Variants in MRC1 observed in about 807,000 individuals in gnomAD.
The protein encoded by MRC1 is macrophage mannose receptor 1.
In MRC1, 62 loss-of-function variants were observed where a neutral mutation model predicts 102.9. That is an observed-to-expected ratio of 0.60 (90% CI 0.49 to 0.74). MRC1 has a LOEUF of 0.74. Ranked by LOEUF, MRC1 falls within the 30% of genes least tolerant of loss-of-function variation. The pLI is 0.00. For missense variants in MRC1, 1,237 were observed against 862.8 expected (o/e 1.43, Z -5.43); for synonymous variants, 457 against 298.4 (o/e 1.53, Z -5.48).
chr10:17,881,193 A>G lies in MRC1; in HGVS notation c.2980+12A>G. ...TGAAAAAGAGCAAGGTAGGCAGGCC[A>G]TTTTGCAATTAGTTGTGTGTTTAAA... is the stretch of plus-strand genomic sequence containing the variant. On this transcript the variant is annotated intron_variant, in intron 21 of 29. Coordinates refer to ENST00000569591, the MANE Select transcript of MRC1 (RefSeq NM_002438.4). 5.1e-6 allele frequency: 4 copies of G among 779,510 alleles called. No homozygotes were observed. Among genetic ancestry groups the G allele is most frequent in the South Asian group, 4.1e-5 (3 of 73,956 alleles). The allele number at this position is 779,510 out of a possible 1,614,324, so 48.3% of individuals were successfully genotyped here.
At chr10:17,819,453 ATGTGTGTGTGTGTG>A (rs59778334) in intron 1 of MRC1, among the ~76,000 whole-genome samples, 12 of 145,702 alleles carry the variant, frequency 8.2e-5, no homozygotes, top group East Asian at 2.0e-4. Context: ...TCAGAGTTGT[ATGTGTGTGTGTGTG>A]TGTGTGTGTG....
intron 8 of MRC1, among the ~76,000 whole-genome samples, chr10:17,855,440 A>G (rs1168942362): frequency 3.3e-5 from 5 of 151,862 alleles, no homozygotes; most frequent in Admixed American, 1.3e-4. Flanking sequence ...GCGTGGTGGC[A>G]GGCGCCTGTA....
intron 4 of MRC1, among the ~76,000 whole-genome samples, chr10:17,839,510 G>T (rs1589171671): frequency 7.4e-6 from 1 of 135,444 alleles, no homozygotes; most frequent in South Asian, 2.3e-4. Context: ...TTCTTTTAAA[G>T]AATTTTTTTG....
intron 7 of MRC1, among the ~76,000 whole-genome samples, chr10:17,851,320 A>C (rs1220643989): frequency 6.6e-6 from 1 of 152,136 alleles, no homozygotes; most frequent in African/African-American, 2.4e-5. Flanking sequence ...ACAATAAAAT[A>C]ATATTAATAA....
chr10:17,906,134 C>G (rs1833891598), intron 26 of MRC1, among the ~76,000 whole-genome samples: 2 of 151,954 alleles, frequency 1.3e-5, no homozygotes, highest in Non-Finnish European at 2.9e-5. Flanking sequence ...TAATATAGGA[C>G]CATTCTTAGG....
intron 16 of MRC1, among the ~76,000 whole-genome samples, chr10:17,874,189 A>G (rs938900610): frequency 6.6e-6 from 1 of 152,158 alleles, no homozygotes; most frequent in Admixed American, 6.6e-5. Flanking sequence ...TCTGGAATCA[A>G]TTTCACTGGG....
intron 11 of MRC1, among the ~76,000 whole-genome samples, chr10:17,864,600 G>A (rs1216555901): frequency 1.3e-5 from 2 of 151,884 alleles, no homozygotes; most frequent in Admixed American, 6.6e-5. Context: ...AGGCAGAGGC[G>A]GGCAGATCAC....
In MRC1 at chr10:17,880,514, C is replaced by G; in HGVS notation, c.2720-11C>G. 2 of 780,764 alleles carry G rather than the reference C, an allele frequency of 2.6e-6. No individual in the cohort carries two copies. The highest frequency in any genetic ancestry group is 4.8e-6 in the Non-Finnish European group (2 of 417,928). 48.4% of individuals were successfully genotyped at this position (780,764 alleles called of 1,614,324 possible). On this transcript the variant is annotated splice_polypyrimidine_tract_variant and intron_variant, in intron 19 of 29. Transcript: ENST00000569591. Reference sequence around the variant, plus strand: ...ATATGAATCTAATTTAACTATTTCTCTCTTTGCCAGGGTTTTGGAATGACA... The same window carrying G: ...ATATGAATCTAATTTAACTATTTCTGTCTTTGCCAGGGTTTTGGAATGACA...
At chr10:17,901,064 T>C (rs1833822878) in intron 25 of MRC1, 111 bp downstream of exon 25, 1 of 696,530 alleles carries the variant, frequency 1.4e-6, no homozygotes. Flanking sequence ...CTAAGAATAA[T>C]ATAGAACATA....
intron 7 of MRC1, among the ~76,000 whole-genome samples, 189 bp downstream of exon 7, chr10:17,849,953 G>T (rs1168187059): frequency 6.6e-6 from 1 of 152,174 alleles, no homozygotes; most frequent in Non-Finnish European, 1.5e-5. Context: ...ATAATTGAAA[G>T]AATTCTTATC....
At chr10:17,848,591 A>G (rs1173713657) in intron 6 of MRC1, among the ~76,000 whole-genome samples, 3 of 152,146 alleles carry the variant, frequency 2.0e-5, no homozygotes, top group Non-Finnish European at 4.4e-5. Flanking sequence ...TGTGATTTAC[A>G]AGCACACTCT....
chr10:17,889,680 C>G (rs981358963), intron 22 of MRC1, among the ~76,000 whole-genome samples: 4 of 152,218 alleles, frequency 2.6e-5, no homozygotes, highest in African/African-American at 9.6e-5. Context: ...TCTCCTATTT[C>G]TTCCTCCTTT....
chr10:17,893,925 A>G (rs1355584824), intron 22 of MRC1, among the ~76,000 whole-genome samples: 1 of 152,194 alleles, frequency 6.6e-6, no homozygotes, highest in Non-Finnish European at 1.5e-5. Flanking sequence ...AAGTTTTTAT[A>G]GTGTTGGATA....
chr10:17,885,210 T>G (rs1833575088), intron 21 of MRC1, 59 bp from the exon 22 acceptor site: 13 of 778,416 alleles, frequency 1.7e-5, no homozygotes, highest in Non-Finnish European at 2.9e-5. Context: ...TTGAATATTT[T>G]CCATATTTTG....
rs966767193 is a variant in MRC1 at position 17,907,651 on chromosome 10, A to G, written c.4031A>G (p.Asn1344Ser). The change falls in exon 28 of 30, where the codon AAT (asparagine) becomes AGT (serine). Residue 1344 changes from asparagine (N) to serine (S), a missense_variant. Transcript: ENST00000569591. ...ALHASSGFWSNIHCSSYKGYI... is the reference protein window; with the variant it reads ...ALHASSGFWSSIHCSSYKGYI... Reference sequence around the variant, plus strand: ...CATGCGTCTTCTGGGTTTTGGAGTAATATTCACTGTTCATCCTACAAAGGA... The same window carrying G: ...CATGCGTCTTCTGGGTTTTGGAGTAGTATTCACTGTTCATCCTACAAAGGA... 1.2e-5 allele frequency: 9 copies of G among 780,874 alleles called. No individual in the cohort carries two copies. The Admixed American group carries it at 1.5e-4, about 13-fold the overall frequency. The allele number at this position is 780,874 out of a possible 1,614,324, so 48.4% of individuals were successfully genotyped here. A position where few individuals can be genotyped will look rare whatever the true frequency, so the allele number is the denominator to read the frequency against.
intron 22 of MRC1, among the ~76,000 whole-genome samples, chr10:17,892,629 T>C (rs1444963733): frequency 1.3e-5 from 2 of 152,222 alleles, no homozygotes; most frequent in Non-Finnish European, 2.9e-5. Flanking sequence ...TTTCTTTAAG[T>C]GTGCTCCTTT....
rs957144001 is a variant in MRC1, at chr10:17,899,334, T to G, written c.3483+1068T>G. Among the ~76,000 whole-genome samples the G allele has an allele frequency of 1.7e-3, 265 of 152,356 alleles. 1 individual carries two copies. The highest frequency in any genetic ancestry group is 6.0e-3 in the African/African-American group (250 of 41,598). On this transcript the variant is annotated intron_variant, in intron 24 of 29. Transcript: ENST00000569591. ...AAGTTTTTATAATTAAGTCATTTGA[T>G]AAGTCATTTGTTTTCTTCTCACAGA...
At chr10:17,827,372 CAAAAAAAAAAAA>C (rs782616938) in intron 2 of MRC1, among the ~76,000 whole-genome samples, 158 bp from the exon 3 acceptor site, 1,118 of 63,918 alleles carry the variant, frequency 0.017, 23 homozygotes, top group Non-Finnish European at 0.024. Context: ...AAAAAATACC[CAAAAAAAAAAAA>C]AAAAAAAAAA....
chr10:17,872,631 C>G (rs1833370214), intron 15 of MRC1, among the ~76,000 whole-genome samples: 1 of 152,124 alleles, frequency 6.6e-6, no homozygotes, highest in South Asian at 2.1e-4. Context: ...GATGGCCAAA[C>G]AATACGCATG....
Sources: allele counts gnomAD v4.1 joint callset (sites outside exome capture counted in the v4.1 genomes callset), GRCh38; gene constraint gnomAD v4.1.1; transcripts MANE v1.5; gene names NCBI Gene and HGNC (gene_info 2026-07-23, HGNC 2026-07-21).